Variants in CNTNAP2 observed in about 807,000 individuals in gnomAD.
CNTNAP2 encodes the protein contactin associated protein 2.
CNTNAP2 carries 98 observed loss-of-function variants against 155.2 expected under a neutral mutation model. The ratio of observed to expected loss-of-function variants is 0.63; its 90% confidence interval spans 0.54 to 0.75. The LOEUF is 0.75. Ranked by LOEUF, CNTNAP2 falls within the 30% of genes least tolerant of loss-of-function variation. The pLI is 0.00. For synonymous variants in CNTNAP2, 651 were observed against 631.2 expected, an observed-to-expected ratio of 1.03 and a Z score of -0.47; for missense variants, 1,727 against 1,688.1, an observed-to-expected ratio of 1.02 and a Z score of -0.40.
intron 13 of CNTNAP2, among the ~76,000 whole-genome samples, chr7:147,693,780 C>CA (rs1422088854): frequency 6.6e-6 from 1 of 152,016 alleles, no homozygotes; most frequent in Non-Finnish European, 1.5e-5. Flanking sequence ...ATGATGTCAT[C>CA]TGTGAACAAG....
At chr7:147,340,572 A>C (rs1184467004) in intron 9 of CNTNAP2, among the ~76,000 whole-genome samples, 2 of 152,078 alleles carry the variant, frequency 1.3e-5, no homozygotes, top group African/African-American at 2.4e-5. Context: ...TATCTTTTGC[A>C]CTTGGAGAAG....
intron 13 of CNTNAP2, among the ~76,000 whole-genome samples, chr7:147,737,066 G>T (rs1796864762): frequency 6.6e-6 from 1 of 152,166 alleles, no homozygotes; most frequent in Admixed American, 6.5e-5. Context: ...TGCTGGTGAG[G>T]AGCTGCATTC....
chr7:148,151,864 C>A (rs1048293605), intron 17 of CNTNAP2, among the ~76,000 whole-genome samples: 1 of 152,154 alleles, frequency 6.6e-6, no homozygotes, highest in African/African-American at 2.4e-5. Flanking sequence ...CACAGAGCAG[C>A]AAACTAAGGC....
intron 3 of CNTNAP2, among the ~76,000 whole-genome samples, chr7:146,928,222 G>C (rs746058175): frequency 6.6e-6 from 1 of 151,984 alleles, no homozygotes; most frequent in Non-Finnish European, 1.5e-5. Flanking sequence ...ATATTCAACT[G>C]TATTGTTTTA....
chr7:147,479,720 CCAAATATG>C (rs1798388444), intron 10 of CNTNAP2, among the ~76,000 whole-genome samples: 1 of 146,256 alleles, frequency 6.8e-6, no homozygotes, highest in Non-Finnish European at 1.5e-5. Context: ...TAGATGTAGA[CCAAATATG>C]CTTGCTTTTT....
intron 1 of CNTNAP2, among the ~76,000 whole-genome samples, chr7:146,519,438 C>T (rs934072272): frequency 6.6e-6 from 1 of 151,796 alleles, no homozygotes; most frequent in Non-Finnish European, 1.5e-5. Context: ...TTTAAAATAG[C>T]TCTATTACCT....
At chr7:148,354,958 A>G (rs1012112846) in intron 21 of CNTNAP2, among the ~76,000 whole-genome samples, 1 of 151,976 alleles carries the variant, frequency 6.6e-6, no homozygotes, top group Non-Finnish European at 1.5e-5. Flanking sequence ...GACAAAAGCA[A>G]TCCAAACCCA....
At chr7:146,326,973 C>A (rs1433723984) in intron 1 of CNTNAP2, among the ~76,000 whole-genome samples, 5 of 151,866 alleles carry the variant, frequency 3.3e-5, no homozygotes, top group Admixed American at 2.0e-4. Context: ...TTTATTCCCC[C>A]AGAGAAAAGT....
At chr7:147,300,378 A>G (rs1329894904) in intron 9 of CNTNAP2, 88 bp downstream of exon 9, 1 of 1,423,902 alleles carries the variant, frequency 7.0e-7, no homozygotes, top group Non-Finnish European at 9.8e-7. Flanking sequence ...TTTATATTTG[A>G]CTCAACTGAC....
At chr7:147,296,074 C>A (rs368723171) in intron 8 of CNTNAP2, among the ~76,000 whole-genome samples, 17 of 152,096 alleles carry the variant, frequency 1.1e-4, no homozygotes, top group African/African-American at 3.9e-4. Flanking sequence ...CTCTGAAAGG[C>A]TTTCTTGTTC....
chr7:147,724,301 T>C (rs1796611437), intron 13 of CNTNAP2, among the ~76,000 whole-genome samples: 1 of 151,994 alleles, frequency 6.6e-6, no homozygotes, highest in Non-Finnish European at 1.5e-5. Flanking sequence ...CTCCAAGGTT[T>C]CCATAGAGTC....
intron 1 of CNTNAP2, among the ~76,000 whole-genome samples, chr7:146,391,091 G>A (rs943449844): frequency 5.4e-5 from 8 of 146,822 alleles, no homozygotes; most frequent in African/African-American, 1.5e-4. Flanking sequence ...ATTATATATC[G>A]TAAATATATA....
chr7:148,230,597 C>T (rs976186361), intron 20 of CNTNAP2, among the ~76,000 whole-genome samples: 17 of 152,252 alleles, frequency 1.1e-4, no homozygotes, highest in South Asian at 2.1e-4. Context: ...CATTCTGATT[C>T]GGCTGGATGC....
intron 17 of CNTNAP2, among the ~76,000 whole-genome samples, chr7:148,167,113 T>C (rs1805682642): frequency 1.3e-5 from 2 of 152,166 alleles, no homozygotes; most frequent in African/African-American, 4.8e-5. Flanking sequence ...CTTTATAAAT[T>C]ATGAAGAGGG....
intron 21 of CNTNAP2, among the ~76,000 whole-genome samples, chr7:148,347,453 C>T (rs948223064): frequency 6.6e-6 from 1 of 152,138 alleles, no homozygotes; most frequent in Non-Finnish European, 1.5e-5. Flanking sequence ...AGTAAACACA[C>T]GGTATTCCTA....
At chr7:146,593,258 C>A (rs541138667) in intron 1 of CNTNAP2, among the ~76,000 whole-genome samples, 1 of 151,968 alleles carries the variant, frequency 6.6e-6, no homozygotes, top group South Asian at 2.1e-4. Context: ...CCGGGTGAAC[C>A]CCTAAGCTAG....
intron 8 of CNTNAP2, among the ~76,000 whole-genome samples, chr7:147,144,464 T>C (rs1199483652): frequency 6.6e-6 from 1 of 152,178 alleles, no homozygotes. Flanking sequence ...TTACCACGTA[T>C]TCTTTATAAT....
intron 10 of CNTNAP2, among the ~76,000 whole-genome samples, chr7:147,408,109 T>C (rs556220221): frequency 6.6e-6 from 1 of 152,366 alleles, no homozygotes; most frequent in South Asian, 2.1e-4. Flanking sequence ...TGAAGAATAA[T>C]TTGTAAACTT....
chr7:147,738,813 C>T (rs1220875759), intron 13 of CNTNAP2, among the ~76,000 whole-genome samples: 2 of 151,962 alleles, frequency 1.3e-5, no homozygotes, highest in Non-Finnish European at 2.9e-5. Context: ...TGCCACCGTG[C>T]ACAGCTAATT....
Sources: allele counts gnomAD v4.1 joint callset (sites outside exome capture counted in the v4.1 genomes callset), GRCh38; gene constraint gnomAD v4.1.1; transcripts MANE v1.5; gene names NCBI Gene and HGNC (gene_info 2026-07-23, HGNC 2026-07-21).